SLC35F3: variants seen among roughly 807,000 people sequenced by gnomAD.
SLC35F3 encodes putative thiamine transporter SLC35F3.
In SLC35F3, 25 loss-of-function variants were observed where a neutral mutation model predicts 49.9. The ratio of observed to expected loss-of-function variants is 0.50; its 90% CI spans 0.37 to 0.70. The LOEUF is 0.70. SLC35F3 is among the 30% of genes least tolerant of loss of function. The pLI, the probability that SLC35F3 is intolerant of heterozygous loss-of-function variation, is 0.00. For synonymous variants in SLC35F3, 275 were observed against 265.4 expected (o/e 1.04, Z -0.35); for missense variants, 525 against 639.8 (o/e 0.82, Z 1.94).
chr1:234,007,168 A>T (rs1469526154), intron 2 of SLC35F3, among the ~76,000 whole-genome samples: 1 of 152,154 alleles, frequency 6.6e-6, no homozygotes, highest in East Asian at 1.9e-4. Context: ...CTAGACAATA[A>T]ACAATAAACC....
chr1:233,997,320 A>G (rs1035218217), intron 2 of SLC35F3, among the ~76,000 whole-genome samples: 1 of 152,106 alleles, frequency 6.6e-6, no homozygotes, highest in Non-Finnish European at 1.5e-5. Flanking sequence ...TTTTGGGGGT[A>G]TCTCCATACT....
intron 2 of SLC35F3, among the ~76,000 whole-genome samples, chr1:234,096,112 A>C (rs1665113307): frequency 6.6e-6 from 1 of 152,124 alleles, no homozygotes; most frequent in Non-Finnish European, 1.5e-5. Context: ...CTTCTTTCTA[A>C]CATTTTGCTC....
intron 2 of SLC35F3, among the ~76,000 whole-genome samples, chr1:233,961,796 C>T (rs143748738): frequency 1.3e-5 from 2 of 152,142 alleles, no homozygotes; most frequent in African/African-American, 2.4e-5. Flanking sequence ...TCTGTCAGGT[C>T]GTAGCTCTCT....
At chr1:233,949,723 A>G (rs1662572446) in intron 2 of SLC35F3, among the ~76,000 whole-genome samples, 1 of 152,118 alleles carries the variant, frequency 6.6e-6, no homozygotes, top group Non-Finnish European at 1.5e-5. Context: ...TAGCAGCCCG[A>G]GTGAGGCTCT....
chr1:234,039,579 TACTG>T (rs1664191417), intron 2 of SLC35F3, among the ~76,000 whole-genome samples: 1 of 152,140 alleles, frequency 6.6e-6, no homozygotes, highest in Non-Finnish European at 1.5e-5. Context: ...GAGGCAGAGA[TACTG>T]AGACATCCAC....
At chr1:233,928,017 T>C (rs1217647378) in intron 2 of SLC35F3, among the ~76,000 whole-genome samples, 1 of 152,156 alleles carries the variant, frequency 6.6e-6, no homozygotes, top group Non-Finnish European at 1.5e-5. Context: ...ATACATTTTT[T>C]TTCAGAAGTC....
At chr1:234,254,641 A>G (rs1322196540) in intron 3 of SLC35F3, among the ~76,000 whole-genome samples, 3 of 152,240 alleles carry the variant, frequency 2.0e-5, no homozygotes, top group Non-Finnish European at 2.9e-5. Flanking sequence ...ATTGTAAAAG[A>G]TACTATAAAG....
chr1:233,953,891 T>C (rs1241983047), intron 2 of SLC35F3, among the ~76,000 whole-genome samples: 2 of 152,212 alleles, frequency 1.3e-5, no homozygotes, highest in African/African-American at 2.4e-5. Context: ...AACAGTAAGA[T>C]GTGGCCCAGG....
intron 2 of SLC35F3, among the ~76,000 whole-genome samples, chr1:233,918,953 A>C (rs1662017697): frequency 6.6e-6 from 1 of 152,092 alleles, no homozygotes; most frequent in Admixed American, 6.5e-5. Context: ...ATGTACTTTA[A>C]GTAGTTCAAC....
chr1:234,068,823 T>TTATATATATATATATATATATATATA (rs10645395), intron 2 of SLC35F3, among the ~76,000 whole-genome samples: 1 of 71,184 alleles, frequency 1.4e-5, no homozygotes, highest in Non-Finnish European at 2.5e-5. Flanking sequence ...ATTTGAGACA[T>TTATATATATATATATATATATATATA]TATATATATA....
At chr1:234,005,075 T>C (rs923363969) in intron 2 of SLC35F3, among the ~76,000 whole-genome samples, 1 of 152,178 alleles carries the variant, frequency 6.6e-6, no homozygotes, top group Non-Finnish European at 1.5e-5. Flanking sequence ...TTAAAGTCTT[T>C]TAAAAAGATT....
intron 2 of SLC35F3, among the ~76,000 whole-genome samples, chr1:234,208,585 G>A (rs768692017): frequency 2.0e-5 from 3 of 152,264 alleles, no homozygotes; most frequent in Admixed American, 2.0e-4. Flanking sequence ...AGAGAAACTG[G>A]GCATTTTGAC....
At chr1:234,299,781 A>T (rs1668663275) in intron 3 of SLC35F3, among the ~76,000 whole-genome samples, 1 of 129,924 alleles carries the variant, frequency 7.7e-6, no homozygotes, top group Admixed American at 8.7e-5. Context: ...CTCCAGCCTG[A>T]GCGATAGAGC....
Position 234,284,370 on chromosome 1 carries a change from T to A in SLC35F3, c.609-24731T>A, listed in dbSNP as rs980111471. On this transcript the variant is annotated intron_variant, in intron 3 of 7. Transcript: ENST00000366618. ...CTTCTATGTCTATGCACAAGACAAC[T>A]GTTTGCCACATAGCACGTGGCTGCC... 3.3e-5 allele frequency among the ~76,000 whole-genome samples: 5 copies of A among 152,322 alleles called. No homozygotes were observed. The East Asian group carries it at 5.8e-4, about 18-fold the overall frequency.
chr1:233,904,927 G>T lies in SLC35F3; in HGVS notation c.-151G>T, dbSNP rs1661744108. 1.3e-6 allele frequency: 1 copy of T among 764,300 alleles called. No homozygotes were observed. The highest frequency in any genetic ancestry group is 2.0e-6 in the Non-Finnish European group (1 of 509,830). The allele number at this position is 764,300 out of a possible 1,614,324, so 47.3% of individuals were successfully genotyped here. ...GCGCTCGGGTACAGACCGCGCGGGC[G>T]CGCACAAAGCGGCCCGGGGCGGCCG... is the stretch of plus-strand genomic sequence containing the variant. On this transcript the variant is annotated 5_prime_UTR_variant, in exon 1 of 8. Coordinates refer to ENST00000366618, the MANE Select transcript of SLC35F3 (RefSeq NM_173508.4).
intron 2 of SLC35F3, among the ~76,000 whole-genome samples, chr1:234,182,743 C>CTTTGGGA (rs879735793): frequency 6.6e-6 from 1 of 150,576 alleles, no homozygotes; most frequent in Admixed American, 6.6e-5. Flanking sequence ...TATTGTCAAA[C>CTTTGGGA]TTTGGGATTT....
chr1:233,904,912 A>G lies in SLC35F3; in HGVS notation c.-166A>G. The G allele has an allele frequency of 1.6e-6, 1 of 631,612 alleles. No homozygotes were observed. Among genetic ancestry groups the G allele is most frequent in the Non-Finnish European group, 2.5e-6 (1 of 399,716 alleles). The allele number at this position is 631,612 out of a possible 1,614,324, so 39.1% of individuals were successfully genotyped here. A position where few individuals can be genotyped will look rare whatever the true frequency, so the allele number is the denominator to read the frequency against. Reference sequence around the variant, plus strand: ...CCGCACGCCGCGGAGGCGCTCGGGTACAGACCGCGCGGGCGCGCACAAAGC... The same window carrying G: ...CCGCACGCCGCGGAGGCGCTCGGGTGCAGACCGCGCGGGCGCGCACAAAGC... On this transcript the variant is annotated 5_prime_UTR_variant, in exon 1 of 8. Transcript: ENST00000366618.
chr1:234,170,563 A>G (rs1200469295), intron 2 of SLC35F3, among the ~76,000 whole-genome samples: 2 of 152,024 alleles, frequency 1.3e-5, no homozygotes, highest in African/African-American at 4.8e-5. Flanking sequence ...GACCCCTCCC[A>G]GAAGCAAACG....
At chr1:234,251,360 A>C (rs79559618) in intron 3 of SLC35F3, among the ~76,000 whole-genome samples, 2,375 of 151,910 alleles carry the variant, frequency 0.016, 62 homozygotes, top group African/African-American at 0.055. Flanking sequence ...TTCAATTAGG[A>C]GATCATTTGA....
Sources: gnomAD v4.1 joint callset for allele counts (sites outside exome capture counted in the v4.1 genomes callset) on GRCh38, gnomAD v4.1.1 for gene constraint, MANE v1.5 for transcripts, NCBI Gene and HGNC (gene_info 2026-07-23, HGNC 2026-07-21) for gene names.